Variants in NYAP2 observed in about 807,000 individuals in gnomAD.
NYAP2 encodes neuronal tyrosine-phosphorylated phosphoinositide-3-kinase adaptor 2, also known as neuronal tyrosine-phosphorylated phosphoinositide-3-kinase adapter 2.
In NYAP2, 23 loss-of-function variants were observed where a neutral mutation model predicts 50.4. The observed-to-expected ratio is 0.46, with a 90% CI of 0.33 to 0.65. The LOEUF (loss-of-function observed/expected upper bound fraction) is 0.65, where lower values mean the gene tolerates loss of function less well. Ranked by LOEUF, NYAP2 falls within the 30% of genes least tolerant of loss-of-function variation. NYAP2 has a pLI of 0.02. For synonymous variants in NYAP2, 394 were observed against 365.2 expected (o/e 1.08, Z -0.90); for missense variants, 885 against 861.0 (o/e 1.03, Z -0.35).
chr2:225,467,704 TG>T (rs111314860), intron 3 of NYAP2, among the ~76,000 whole-genome samples: 1 of 152,348 alleles, frequency 6.6e-6, no homozygotes, highest in African/African-American at 2.4e-5. Flanking sequence ...TCTGTGGCTC[TG>T]GGATACAAAA....
intron 4 of NYAP2, among the ~76,000 whole-genome samples, chr2:225,566,407 G>A (rs986650120): frequency 6.6e-6 from 1 of 152,178 alleles, no homozygotes; most frequent in Admixed American, 6.5e-5. Context: ...TCAGTAGACT[G>A]TATCTATGAA....
chr2:225,549,938 T>C (rs554549716), intron 4 of NYAP2, among the ~76,000 whole-genome samples: 1 of 151,856 alleles, frequency 6.6e-6, no homozygotes, highest in Admixed American at 6.6e-5. Flanking sequence ...TGAGCCGAGA[T>C]TGTACCACTG....
chr2:225,442,894 G>A (rs926975952), intron 3 of NYAP2, among the ~76,000 whole-genome samples: 2 of 152,118 alleles, frequency 1.3e-5, no homozygotes, highest in Admixed American at 1.3e-4. Flanking sequence ...GAGGTTTAAT[G>A]GACTCATAGT....
At chr2:225,433,327 G>A (rs962055469) in intron 3 of NYAP2, among the ~76,000 whole-genome samples, 1 of 149,862 alleles carries the variant, frequency 6.7e-6, no homozygotes, top group Non-Finnish European at 1.5e-5. Context: ...CTGCACTCCA[G>A]CCTGTGCAAA....
intron 3 of NYAP2, among the ~76,000 whole-genome samples, chr2:225,481,736 C>CA (rs1690210422): frequency 6.6e-6 from 1 of 152,100 alleles, no homozygotes; most frequent in South Asian, 2.1e-4. Context: ...AAGTTTGTGA[C>CA]ATTCTGGGTC....
At chr2:225,520,711 C>T (rs1287140099) in intron 4 of NYAP2, among the ~76,000 whole-genome samples, 1 of 152,140 alleles carries the variant, frequency 6.6e-6, no homozygotes, top group Non-Finnish European at 1.5e-5. Context: ...TAGCGTGATG[C>T]CTCCAGCTTT....
At chr2:225,663,471 C>T in the NYAP2 span, among the ~76,000 whole-genome samples, 1 of 152,164 alleles carries the variant, frequency 6.6e-6, no homozygotes, top group Non-Finnish European at 1.5e-5. Flanking sequence ...CCCTGGTTTT[C>T]CTGTTCAGCT....
At chr2:225,515,959 A>C (rs1039289565) in intron 4 of NYAP2, among the ~76,000 whole-genome samples, 2 of 152,196 alleles carry the variant, frequency 1.3e-5, no homozygotes, top group African/African-American at 4.8e-5. Context: ...CCCATAAGGG[A>C]TGTGTTATCA....
chr2:225,622,557 CTTTTTCTTTCTTTCTTTCT>C (rs1162451618), intron 5 of NYAP2, among the ~76,000 whole-genome samples: 8,806 of 48,436 alleles, frequency 0.18, 430 homozygotes, highest in Middle Eastern at 0.24. Flanking sequence ...TTCTTTCTTT[CTTTTTCTTTCTTTCTTTCT>C]TTCTTCTTTC....
chr2:225,416,273 T>C (rs1211219789), intron 3 of NYAP2, among the ~76,000 whole-genome samples: 3 of 152,290 alleles, frequency 2.0e-5, no homozygotes, highest in Admixed American at 6.5e-5. Flanking sequence ...ATCAAATGCA[T>C]GGGCAAGTTT....
chr2:225,671,057 T>C, the NYAP2 span, among the ~76,000 whole-genome samples: 85 of 152,210 alleles, frequency 5.6e-4, no homozygotes, highest in African/African-American at 2.0e-3. Flanking sequence ...AGGGTAGTGG[T>C]TGCTGAAGGT....
chr2:225,641,271 A>G (rs1441659330), intron 6 of NYAP2, among the ~76,000 whole-genome samples: 3 of 152,174 alleles, frequency 2.0e-5, no homozygotes. Context: ...GCGAAAAGCC[A>G]CAAAAGACAT....
At chr2:225,428,513 C>T (rs1034543604) in intron 3 of NYAP2, among the ~76,000 whole-genome samples, 2 of 152,180 alleles carry the variant, frequency 1.3e-5, no homozygotes, top group Non-Finnish European at 2.9e-5. Flanking sequence ...CATGAAATTG[C>T]CCTCAAGGCT....
intron 3 of NYAP2, among the ~76,000 whole-genome samples, chr2:225,452,409 T>C (rs1352944530): frequency 1.3e-5 from 2 of 152,158 alleles, no homozygotes; most frequent in Non-Finnish European, 2.9e-5. Flanking sequence ...TGTCTAAAGC[T>C]AAACACCTAA....
chr2:225,546,062 C>G (rs1691575591), intron 4 of NYAP2, among the ~76,000 whole-genome samples: 3 of 152,208 alleles, frequency 2.0e-5, no homozygotes, highest in Admixed American at 2.0e-4. Context: ...TCTGAGCCAT[C>G]TGGAGCTGGG....
chr2:225,618,349 T>G (rs1385962307), intron 5 of NYAP2, among the ~76,000 whole-genome samples: 1 of 152,204 alleles, frequency 6.6e-6, no homozygotes, highest in East Asian at 1.9e-4. Context: ...AGTCCACCTG[T>G]CCAGGTGCAG....
intron 5 of NYAP2, among the ~76,000 whole-genome samples, chr2:225,615,627 T>C (rs1692974900): frequency 6.6e-6 from 1 of 152,210 alleles, no homozygotes; most frequent in Admixed American, 6.5e-5. Flanking sequence ...GAACACTGCC[T>C]GGTGTAGGTA....
the NYAP2 span, among the ~76,000 whole-genome samples, chr2:225,679,894 A>C: frequency 1.3e-5 from 2 of 152,160 alleles, no homozygotes; most frequent in African/African-American, 4.8e-5. Flanking sequence ...AGAATCAATC[A>C]GCACTGGCCT....
chr2:225,699,075 A>G, the NYAP2 span: 1 of 151,920 alleles, frequency 6.6e-6, no homozygotes, highest in Non-Finnish European at 1.5e-5. Flanking sequence ...TGTGCTTTTT[A>G]AGTTTCAAGG....
Sources: gnomAD v4.1 joint callset for allele counts (sites outside exome capture counted in the v4.1 genomes callset) on GRCh38, gnomAD v4.1.1 for gene constraint, MANE v1.5 for transcripts, NCBI Gene and HGNC (gene_info 2026-07-23, HGNC 2026-07-21) for gene names.